The following RNLS variants were observed in gnomAD, a reference collection of about 807,000 sequenced individuals.
The protein encoded by RNLS is renalase.
In RNLS, 39 loss-of-function variants were observed where a neutral mutation model predicts 39.8. That is an observed-to-expected ratio of 0.98 (90% confidence interval 0.76 to 1.28). The LOEUF (loss-of-function observed/expected upper bound fraction) is 1.28. Ranked by LOEUF, RNLS falls within the 50% of genes most tolerant of loss-of-function variation. RNLS has a pLI of 0.00. For synonymous variants in RNLS, 147 were observed against 150.7 expected (o/e 0.98, Z 0.18); for missense variants, 410 against 413.3 (o/e 0.99, Z 0.07).
Position 88,498,480 on chromosome 10 carries a change from G to GT in RNLS, c.526+74422dup, listed in dbSNP as rs201076794. Among the ~76,000 whole-genome samples, 340 of 147,910 alleles carry GT rather than the reference G, an allele frequency of 2.3e-3. 3 individuals are homozygous for GT. The highest frequency in any genetic ancestry group is 7.8e-3 in the African/African-American group (312 of 40,064). On this transcript the variant is annotated intron_variant, in intron 4 of 6. Transcript: ENST00000331772. ...AATATGTGCTCCTGAAGCAGAAAAA[G>GT]TTTTTTTTTCTGTTGTTATAAAGGG...
chr10:88,268,550 A>G, the RNLS span, among the ~76,000 whole-genome samples: 1 of 152,210 alleles, frequency 6.6e-6, no homozygotes, highest in Non-Finnish European at 1.5e-5. Context: ...TCAAAAATGA[A>G]TCAGGATGGC....
intron 4 of RNLS, among the ~76,000 whole-genome samples, chr10:88,489,888 G>A (rs550879844): frequency 4.5e-4 from 68 of 152,276 alleles, no homozygotes; most frequent in Non-Finnish European, 9.3e-4. Flanking sequence ...GGCCTTGACT[G>A]AACCCCTAAC....
intron 4 of RNLS, among the ~76,000 whole-genome samples, chr10:88,486,108 C>T (rs1158615038): frequency 1.3e-5 from 2 of 152,006 alleles, no homozygotes; most frequent in Non-Finnish European, 2.9e-5. Context: ...ATGTCAAAAA[C>T]AACCAATGGG....
chr10:88,533,455 G>A (rs1273380194), intron 4 of RNLS, among the ~76,000 whole-genome samples: 1 of 152,166 alleles, frequency 6.6e-6, no homozygotes, highest in Non-Finnish European at 1.5e-5. Context: ...GAAATACTTT[G>A]ATTTGACCTT....
intron 4 of RNLS, among the ~76,000 whole-genome samples, chr10:88,502,120 T>A (rs889208132): frequency 6.6e-6 from 1 of 152,244 alleles, no homozygotes; most frequent in African/African-American, 2.4e-5. Context: ...CATCTATCAC[T>A]GAAATCAGAA....
In RNLS at chr10:88,345,255, C is replaced by T. The variant is rs79091610; in HGVS notation, c.700+17297G>A. ...GTGGTGAGATTCTGCAGTCAGACTT[C>T]GAAACCTGCTCTTGAATTAGTCTCA... On this transcript the variant is annotated intron_variant, in intron 5 of 6. Transcript: ENST00000331772. Among the ~76,000 whole-genome samples the T allele has an allele frequency of 4.3e-3, 649 of 152,228 alleles. 2 individuals are homozygous for T. Among genetic ancestry groups the T allele is most frequent in the African/African-American group, 0.015 (616 of 41,560 alleles).
chr10:88,327,970 A>G (rs1265680404), intron 5 of RNLS, among the ~76,000 whole-genome samples: 1 of 152,186 alleles, frequency 6.6e-6, no homozygotes, highest in African/African-American at 2.4e-5. Flanking sequence ...GTGCAGTGGC[A>G]CAATCTTGGC....
intron 4 of RNLS, among the ~76,000 whole-genome samples, chr10:88,399,421 G>C (rs188356100): frequency 6.6e-6 from 1 of 151,884 alleles, no homozygotes; most frequent in African/African-American, 2.4e-5. Flanking sequence ...AAACAATTAC[G>C]GTATATCCAT....
At chr10:88,443,621 C>T (rs904589474) in intron 4 of RNLS, among the ~76,000 whole-genome samples, 1 of 152,250 alleles carries the variant, frequency 6.6e-6, no homozygotes, top group Admixed American at 6.5e-5. Flanking sequence ...CACCCTAATA[C>T]TGCACTTTTC....
intron 5 of RNLS, 26 bp downstream of exon 5, chr10:88,362,526 T>G (rs1849714983): frequency 1.2e-6 from 2 of 1,604,590 alleles, no homozygotes; most frequent in African/African-American, 2.7e-5. Context: ...GTTGCTGTAT[T>G]TAAGGGAAAT....
chr10:88,579,521 A>G (rs957164805), intron 3 of RNLS, among the ~76,000 whole-genome samples: 3 of 152,166 alleles, frequency 2.0e-5, no homozygotes, highest in African/African-American at 4.8e-5. Flanking sequence ...AAGGTCAGAG[A>G]GAGCTACTTC....
At chr10:88,399,842 A>C (rs1852804710) in intron 4 of RNLS, among the ~76,000 whole-genome samples, 1 of 152,006 alleles carries the variant, frequency 6.6e-6, no homozygotes, top group East Asian at 1.9e-4. Flanking sequence ...ATTTTCTTAG[A>C]GTTCTGGAGT....
chr10:88,575,694 A>C (rs1850157698), intron 3 of RNLS, among the ~76,000 whole-genome samples: 1 of 151,866 alleles, frequency 6.6e-6, no homozygotes, highest in African/African-American at 2.4e-5. Context: ...GCTCTGAAAA[A>C]CCCAATTTTA....
the RNLS span, among the ~76,000 whole-genome samples, chr10:88,201,975 G>A: frequency 9.2e-5 from 14 of 151,930 alleles, no homozygotes; most frequent in Admixed American, 9.2e-4. Context: ...GTTTTTACAT[G>A]CTACTATAAA....
intron 4 of RNLS, among the ~76,000 whole-genome samples, chr10:88,422,631 C>T (rs953546796): frequency 2.0e-5 from 3 of 151,972 alleles, no homozygotes; most frequent in African/African-American, 7.2e-5. Context: ...GTGATTTGGC[C>T]CTCCTCAAGT....
At chr10:88,253,980 A>C in the RNLS span, among the ~76,000 whole-genome samples, 1 of 152,376 alleles carries the variant, frequency 6.6e-6, no homozygotes, top group East Asian at 1.9e-4. Flanking sequence ...CCACCATAGC[A>C]TAAAAACAAT....
the RNLS span, among the ~76,000 whole-genome samples, chr10:88,201,378 C>T: frequency 6.6e-6 from 1 of 152,064 alleles, no homozygotes; most frequent in Non-Finnish European, 1.5e-5. Flanking sequence ...TGCATGCCAA[C>T]CCTGGGCCTA....
At chr10:88,399,555 T>C (rs1289090269) in intron 4 of RNLS, among the ~76,000 whole-genome samples, 1 of 151,968 alleles carries the variant, frequency 6.6e-6, no homozygotes, top group Non-Finnish European at 1.5e-5. Flanking sequence ...AACTGTATTA[T>C]ACAAAACATC....
intron 4 of RNLS, among the ~76,000 whole-genome samples, chr10:88,396,710 A>C (rs1223321248): frequency 1.3e-5 from 2 of 151,240 alleles, no homozygotes; most frequent in African/African-American, 4.8e-5. Context: ...TGGATTAAAA[A>C]AAAAAAAACC....
Sources: allele counts gnomAD v4.1 joint callset (sites outside exome capture counted in the v4.1 genomes callset), GRCh38; gene constraint gnomAD v4.1.1; transcripts MANE v1.5; gene names NCBI Gene and HGNC (gene_info 2026-07-23, HGNC 2026-07-21).